XPO4: variants seen among roughly 807,000 people sequenced by gnomAD.
XPO4 encodes the protein exportin 4.
In XPO4, 39 loss-of-function variants were observed where a neutral mutation model predicts 143.0. The observed-to-expected ratio is 0.27, with a 90% confidence interval of 0.21 to 0.36. The LOEUF is 0.36. Among genes scored for constraint, XPO4 ranks in the 10% least tolerant of loss-of-function variants. The pLI is 1.00. For missense variants in XPO4, 907 were observed against 1,348.0 expected (o/e 0.67, Z 5.12); for synonymous variants, 439 against 474.0 (o/e 0.93, Z 0.96).
In XPO4 at chr13:20,798,857, T is replaced by TA. The variant is rs950722935; in HGVS notation, c.2322+307dup. Among the ~76,000 whole-genome samples, 132 of 151,050 alleles carry TA rather than the reference T, an allele frequency of 8.7e-4. 1 individual carries two copies. Among genetic ancestry groups the TA allele is most frequent in the South Asian group, 1.5e-3 (7 of 4,774 alleles). ...CAACATGGCAAAAGCCCGTCTCTAC[T>TA]AAAAAAAACAAAAATTAGCTGGGTA... On this transcript the variant is annotated intron_variant, in intron 16 of 22. Coordinates refer to ENST00000255305, the MANE Select transcript of XPO4 (RefSeq NM_022459.5).
intron 4 of XPO4, among the ~76,000 whole-genome samples, chr13:20,855,297 A>T (rs1254986140): frequency 6.6e-6 from 1 of 151,974 alleles, no homozygotes; most frequent in Non-Finnish European, 1.5e-5. Context: ...CTCTACTAAA[A>T]ATACAAAATT....
intron 6 of XPO4, among the ~76,000 whole-genome samples, chr13:20,833,795 C>T (rs1181830774): frequency 2.0e-5 from 3 of 151,896 alleles, no homozygotes; most frequent in African/African-American, 7.3e-5. Flanking sequence ...GAGAGAGGAC[C>T]CAGGCAGAGA....
chr13:20,883,080 A>G (rs2060428611), intron 1 of XPO4, among the ~76,000 whole-genome samples: 1 of 152,112 alleles, frequency 6.6e-6, no homozygotes, highest in Non-Finnish European at 1.5e-5. Context: ...AGCTCTCTCC[A>G]ATTCTCCACT....
chr13:20,831,937 A>C (rs2059858749), intron 6 of XPO4, among the ~76,000 whole-genome samples: 1 of 151,592 alleles, frequency 6.6e-6, no homozygotes, highest in Non-Finnish European at 1.5e-5. Context: ...TTGCCATCAT[A>C]ATCCCTTGGA....
intron 9 of XPO4, among the ~76,000 whole-genome samples, chr13:20,821,325 T>A (rs1435358748): frequency 1.4e-5 from 2 of 145,076 alleles, no homozygotes; most frequent in Non-Finnish European, 3.0e-5. Context: ...AAAAAAAAAA[T>A]TACACGTAAT....
chr13:20,797,118 T>G (rs1330707721), intron 16 of XPO4, 61 bp from the exon 17 acceptor site: 7 of 1,454,756 alleles, frequency 4.8e-6, no homozygotes, highest in Non-Finnish European at 6.4e-6. Flanking sequence ...TTCCTCTGCT[T>G]GGATACATAT....
intron 4 of XPO4, among the ~76,000 whole-genome samples, chr13:20,854,478 A>G (rs2060122135): frequency 6.6e-6 from 1 of 152,248 alleles, no homozygotes; most frequent in Non-Finnish European, 1.5e-5. Flanking sequence ...CACTGAAGAC[A>G]AAAGGAATTA....
chr13:20,859,632 C>T (rs559888703), intron 3 of XPO4, among the ~76,000 whole-genome samples: 45 of 150,966 alleles, frequency 3.0e-4, no homozygotes, highest in African/African-American at 1.0e-3. Context: ...CAAAAATTAG[C>T]TGGGTGTGGT....
chr13:20,861,124 A>G (rs1483879896), intron 3 of XPO4, among the ~76,000 whole-genome samples: 2 of 152,274 alleles, frequency 1.3e-5, no homozygotes, highest in Non-Finnish European at 2.9e-5. Flanking sequence ...TTCTGATTAC[A>G]TAACAAAATT....
intron 6 of XPO4, among the ~76,000 whole-genome samples, chr13:20,836,194 A>T (rs552202090): frequency 6.6e-6 from 1 of 152,314 alleles, no homozygotes; most frequent in African/African-American, 2.4e-5. Context: ...TCTATACTTC[A>T]TCAATTACTA....
intron 16 of XPO4, among the ~76,000 whole-genome samples, chr13:20,797,407 G>A (rs911130711): frequency 2.0e-5 from 3 of 152,074 alleles, no homozygotes; most frequent in Admixed American, 1.3e-4. Flanking sequence ...GCAGCTTGCC[G>A]ACCTCTACAG....
Position 20,781,310 on chromosome 13 carries a change from G to A in XPO4, c.*2412C>T, listed in dbSNP as rs1376699542. On this transcript the variant is annotated 3_prime_UTR_variant, in exon 23 of 23. Transcript: ENST00000255305. ...AAAATAAAACAAAAGAAAACACAAA[G>A]TGAATAAGCATCCAATCAGGCAAAC... The A allele has an allele frequency of 6.6e-6, 1 of 152,536 alleles. No homozygotes were observed. Among genetic ancestry groups the A allele is most frequent in the Non-Finnish European group, 1.5e-5 (1 of 68,042 alleles). 9.4% of individuals were successfully genotyped at this position (152,536 alleles called of 1,614,324 possible). A position where few individuals can be genotyped will look rare whatever the true frequency, so the allele number is the denominator to read the frequency against.
rs767126511 is a variant in XPO4, at chr13:20,822,124, A to G, written c.998+8T>C. Reference sequence around the variant, plus strand: ...CCTTTTTCAGCTGCAAAGGGCAAGTATACCTACCCATTGATAGTATTCAGT... The same window carrying G: ...CCTTTTTCAGCTGCAAAGGGCAAGTGTACCTACCCATTGATAGTATTCAGT... On this transcript the variant is annotated splice_region_variant and intron_variant, in intron 8 of 22. Coordinates refer to ENST00000255305, the MANE Select transcript of XPO4 (RefSeq NM_022459.5). 6 of 1,607,050 alleles carry G rather than the reference A, an allele frequency of 3.7e-6. No individual in the cohort carries two copies. The highest frequency in any genetic ancestry group is 1.7e-5 in the Admixed American group (1 of 58,960).
At chr13:20,863,847 C>T (rs2138125155) in intron 2 of XPO4, among the ~76,000 whole-genome samples, 1 of 152,272 alleles carries the variant, frequency 6.6e-6, no homozygotes, top group Admixed American at 6.5e-5. Flanking sequence ...AAGAATATAT[C>T]AGAAGAGCAT....
rs571504443 is a variant in XPO4, at chr13:20,902,646, G to A, written c.69+24C>T. On this transcript the variant is annotated intron_variant, in intron 1 of 22. Transcript: ENST00000255305. ...CGACCGGGGGCCCGCGAATCCCGGG[G>A]TCTGAGGGGCGCGGCGTCCTCACCA... 323 of 1,550,946 alleles carry A rather than the reference G, an allele frequency of 2.1e-4. 5 individuals are homozygous for A. The South Asian group carries it at 3.6e-3, about 17-fold the overall frequency.
In XPO4 at chr13:20,879,346, C is replaced by T. The variant is rs759922404; in HGVS notation, c.70-10645G>A. The T allele has an allele frequency of 1.1e-5, 11 of 977,000 alleles. No individual in the cohort carries two copies. The African/African-American group carries it at 1.2e-4, about 11-fold the overall frequency. The allele number at this position is 977,000 out of a possible 1,614,324, so 60.5% of individuals were successfully genotyped here. On this transcript the variant is annotated intron_variant, in intron 1 of 22. Transcript: ENST00000255305. The stretch of plus-strand genomic sequence containing the variant: ...AGAAGGGAGGGAAGGATTAACTTGC[C>T]GGTCTGGACCTTAACAATAGATGGA...
chr13:20,809,711 G>T, intron 10 of XPO4, 80 bp downstream of exon 10: 1 of 1,416,010 alleles, frequency 7.1e-7, no homozygotes, highest in Non-Finnish European at 9.3e-7. Flanking sequence ...CTAAATTTCT[G>T]GCATTATATA....
At chr13:20,882,944 G>A (rs561012268) in intron 1 of XPO4, among the ~76,000 whole-genome samples, 1 of 150,654 alleles carries the variant, frequency 6.6e-6, no homozygotes, top group Non-Finnish European at 1.5e-5. Context: ...ATTCTCTGCT[G>A]TACTCAGAGC....
At chr13:20,864,684 T>C (rs890008748) in intron 2 of XPO4, among the ~76,000 whole-genome samples, 2 of 152,202 alleles carry the variant, frequency 1.3e-5, no homozygotes, top group Non-Finnish European at 2.9e-5. Context: ...TGTTTTTACA[T>C]CCAAGCCTTT....
Sources: allele counts gnomAD v4.1 joint callset (sites outside exome capture counted in the v4.1 genomes callset), GRCh38; gene constraint gnomAD v4.1.1; transcripts MANE v1.5; gene names NCBI Gene and HGNC (gene_info 2026-07-23, HGNC 2026-07-21).